Variants in FLVCR2 observed in about 807,000 individuals in gnomAD.
FLVCR2 encodes choline/ethanolamine transporter FLVCR2.
In FLVCR2, 38 loss-of-function variants were observed where a neutral mutation model predicts 48.9. The observed-to-expected ratio is 0.78, with a 90% CI of 0.60 to 1.02. The LOEUF is 1.02. FLVCR2 is among the 50% of genes least tolerant of loss of function. The pLI is 0.00. For missense variants in FLVCR2, 664 were observed against 663.3 expected, an observed-to-expected ratio of 1.00 and a Z score of -0.01; for synonymous variants, 255 against 257.0, an observed-to-expected ratio of 0.99 and a Z score of 0.07.
chr14:75,616,025 T>TAAAAAAAAAA (rs1566790520), intron 1 of FLVCR2, among the ~76,000 whole-genome samples: 1 of 3,334 alleles, frequency 3.0e-4, no homozygotes, highest in Non-Finnish European at 1.3e-3. Context: ...AGACTCCATC[T>TAAAAAAAAAA]CAAAAAAAAA....
intron 9 of FLVCR2, among the ~76,000 whole-genome samples, chr14:75,642,598 TA>T (rs976464042): frequency 6.6e-6 from 1 of 151,476 alleles, no homozygotes; most frequent in Non-Finnish European, 1.5e-5. Context: ...CTTCAAAAAT[TA>T]AAAAAAAACT....
chr14:75,616,026 C>CAAAAAAATAA (rs1889605427), intron 1 of FLVCR2, among the ~76,000 whole-genome samples: 1 of 25,618 alleles, frequency 3.9e-5, no homozygotes, highest in Admixed American at 8.3e-4. Context: ...GACTCCATCT[C>CAAAAAAATAA]AAAAAAAAAA....
chr14:75,596,197 T>A (rs1889016489), intron 1 of FLVCR2: 1 of 707,176 alleles, frequency 1.4e-6, no homozygotes, highest in Non-Finnish European at 2.6e-6. Flanking sequence ...ATAGTTACTG[T>A]GTCGTTCATG....
At chr14:75,590,579 T>C (rs919895117) in intron 1 of FLVCR2, among the ~76,000 whole-genome samples, 42 of 152,220 alleles carry the variant, frequency 2.8e-4, no homozygotes, top group African/African-American at 9.9e-4. Flanking sequence ...GATTGTCTCA[T>C]GGGAGTAAAG....
intron 1 of FLVCR2, among the ~76,000 whole-genome samples, chr14:75,619,665 C>T (rs1594806039): frequency 6.6e-6 from 1 of 152,232 alleles, no homozygotes; most frequent in Non-Finnish European, 1.5e-5. Flanking sequence ...TGGTTTTCCA[C>T]ACTGGGCATA....
intron 3 of FLVCR2, among the ~76,000 whole-genome samples, chr14:75,627,493 T>C (rs1320273024): frequency 1.3e-5 from 2 of 152,200 alleles, no homozygotes; most frequent in Non-Finnish European, 2.9e-5. Context: ...CTTGCAGCCA[T>C]GGGGCTGTGA....
rs1352722899 is a variant in FLVCR2, at chr14:75,633,811, A to G, written c.1020+115A>G. The G allele has an allele frequency of 2.3e-5, 19 of 829,280 alleles. No homozygotes were observed. The Admixed American group carries it at 3.3e-4, about 14-fold the overall frequency. 51.4% of individuals were successfully genotyped at this position (829,280 alleles called of 1,614,324 possible). On this transcript the variant is annotated intron_variant, in intron 4 of 9. Coordinates refer to ENST00000238667, the MANE Select transcript of FLVCR2 (RefSeq NM_017791.3). ...ATTCCCCCCAGTTCTAGGTAGGGTGATATGGTGGTATGCTTATGGGATTTG... is the reference window on the plus strand; with the variant it reads ...ATTCCCCCCAGTTCTAGGTAGGGTGGTATGGTGGTATGCTTATGGGATTTG...
At chr14:75,625,843 T>C (rs1296761044) in intron 3 of FLVCR2, among the ~76,000 whole-genome samples, 1 of 151,968 alleles carries the variant, frequency 6.6e-6, no homozygotes, top group Non-Finnish European at 1.5e-5. Flanking sequence ...TACACCTATG[T>C]GATGTTGGTA....
At position 75,622,257 on chromosome 14, in the gene FLVCR2, C is replaced by G. The variant is rs757114787; in HGVS notation, c.811+37C>G. ...AGTAAACAGATGGGGTAGCAGGGGG[C>G]GAAGGGGCAGGGAGATTCTGCTGAC... On this transcript the variant is annotated intron_variant, in intron 2 of 9. Transcript: ENST00000238667. 4 of 1,607,672 alleles carry G rather than the reference C, an allele frequency of 2.5e-6. No individual in the cohort carries two copies. The Admixed American group carries it at 5.0e-5, about 20-fold the overall frequency.
At position 75,589,572 on chromosome 14, in the gene FLVCR2, A is replaced by G. The variant is rs914683090; in HGVS notation, c.669+9931A>G. On this transcript the variant is annotated intron_variant, in intron 1 of 9. Transcript: ENST00000238667. ...GCCAGTGTTGCACACTGGTAACTCT[A>G]CAGTTCTGGGGTCTTGGTGATAGCC... 3.9e-5 allele frequency among the ~76,000 whole-genome samples: 6 copies of G among 151,992 alleles called. No homozygotes were observed. In the East Asian group the frequency reaches 5.8e-4, roughly 15 times the overall value.
At chr14:75,627,990 G>A (rs1889949435) in intron 3 of FLVCR2, among the ~76,000 whole-genome samples, 1 of 152,172 alleles carries the variant, frequency 6.6e-6, no homozygotes, top group Admixed American at 6.5e-5. Flanking sequence ...TTATACATGA[G>A]GAAACTGAGG....
At chr14:75,616,669 C>G (rs921818889) in intron 1 of FLVCR2, among the ~76,000 whole-genome samples, 1 of 152,150 alleles carries the variant, frequency 6.6e-6, no homozygotes, top group Non-Finnish European at 1.5e-5. Flanking sequence ...AATTGGGGCC[C>G]AGCCCTAGGG....
At chr14:75,638,157 C>T (rs1419505827) in intron 5 of FLVCR2, among the ~76,000 whole-genome samples, 1 of 152,180 alleles carries the variant, frequency 6.6e-6, no homozygotes, top group Non-Finnish European at 1.5e-5. Flanking sequence ...TTTGCTGGGC[C>T]AGGCGCAGTG....
chr14:75,583,811 G>GT (rs1342112263), intron 1 of FLVCR2, among the ~76,000 whole-genome samples: 1 of 152,178 alleles, frequency 6.6e-6, no homozygotes, highest in Non-Finnish European at 1.5e-5. Context: ...TGAAAAGAAG[G>GT]TAATGTGGAA....
At chr14:75,624,780 A>G in intron 3 of FLVCR2, 28 bp downstream of exon 3, 1 of 1,613,546 alleles carries the variant, frequency 6.2e-7, no homozygotes, top group Non-Finnish European at 8.5e-7. Flanking sequence ...CTAGGAATGC[A>G]TTCGAGCTGG....
chr14:75,646,447 C>T lies in FLVCR2; in HGVS notation c.1556C>T (p.Thr519Ile). ...EEESNTSKVPTAVSEDHL is the reference protein window; with the variant it reads ...EEESNTSKVPIAVSEDHL ...GAGAGCAACACCAGCAAAGTGCCCA[C>T]TGCTGTGTCAGAGGATCATCTCTGA... is the stretch of plus-strand genomic sequence containing the variant. Residue 519 changes from threonine to isoleucine, a missense_variant, in exon 10 of 10, where the codon ACT (threonine) becomes ATT (isoleucine). Coordinates refer to ENST00000238667, the MANE Select transcript of FLVCR2 (RefSeq NM_017791.3). 1.2e-6 allele frequency: 2 copies of T among 1,613,824 alleles called. No homozygotes were observed. The highest frequency in any genetic ancestry group is 1.7e-6 in the Non-Finnish European group (2 of 1,179,720).
At chr14:75,619,252 T>C (rs1889700196) in intron 1 of FLVCR2, among the ~76,000 whole-genome samples, 1 of 152,002 alleles carries the variant, frequency 6.6e-6, no homozygotes, top group Non-Finnish European at 1.5e-5. Context: ...TAATTAAAAA[T>C]AAATAAAGTT....
At chr14:75,640,422 TG>T (rs1890283416) in intron 6 of FLVCR2, among the ~76,000 whole-genome samples, 1 of 151,976 alleles carries the variant, frequency 6.6e-6, no homozygotes. Context: ...TGTGTGTGTG[TG>T]TGTGTGTGTG....
intron 1 of FLVCR2, among the ~76,000 whole-genome samples, chr14:75,621,858 A>G (rs1889775415): frequency 6.6e-6 from 1 of 152,226 alleles, no homozygotes; most frequent in Non-Finnish European, 1.5e-5. Flanking sequence ...ATGTTCTTAT[A>G]ATAGGCATTG....
Sources: allele counts gnomAD v4.1 joint callset (sites outside exome capture counted in the v4.1 genomes callset), GRCh38; gene constraint gnomAD v4.1.1; transcripts MANE v1.5; gene names NCBI Gene and HGNC (gene_info 2026-07-23, HGNC 2026-07-21).